The following MYH2 variants were observed in gnomAD, a reference collection of about 807,000 sequenced individuals.
MYH2 encodes myosin-2.
In MYH2, 139 loss-of-function variants were observed where a neutral mutation model predicts 228.1. That is an observed-to-expected ratio of 0.61 (90% CI 0.53 to 0.70). MYH2 has a LOEUF of 0.70. Ranked by LOEUF, MYH2 falls within the 30% of genes least tolerant of loss-of-function variation. The pLI, the probability that MYH2 is intolerant of heterozygous loss-of-function variation, is 0.00. For missense variants in MYH2, 1,809 were observed against 2,357.5 expected, an observed-to-expected ratio of 0.77 and a Z score of 4.82; for synonymous variants, 796 against 871.1, an observed-to-expected ratio of 0.91 and a Z score of 1.52.
rs1250367860 is a variant in MYH2, at chr17:10,525,433, A to T, written c.4537+18T>A. 1 of 1,614,188 alleles carries T rather than the reference A, an allele frequency of 6.2e-7. No homozygotes were observed. Among genetic ancestry groups the T allele is most frequent in the Admixed American group, 1.7e-5 (1 of 60,024 alleles). ...TTCTTCCAAGTTATGAATATTATTGAATATGATAGGGACTTACGCTGTAAG... is the reference window on the plus strand; with the variant it reads ...TTCTTCCAAGTTATGAATATTATTGTATATGATAGGGACTTACGCTGTAAG... On this transcript the variant is annotated intron_variant, in intron 32 of 39. Transcript: ENST00000245503. This position sits in a 1 kb window ranked among gnomAD's most constrained non-coding sequence, Gnocchi z 4.2.
chr17:10,532,579 A>C (rs1026609268), intron 21 of MYH2, among the ~76,000 whole-genome samples: 3 of 152,208 alleles, frequency 2.0e-5, no homozygotes, highest in Non-Finnish European at 4.4e-5. Flanking sequence ...TATTAGCATA[A>C]TTACAAGTGG....
At chr17:10,544,598 ATG>A (rs944204606) in intron 5 of MYH2, among the ~76,000 whole-genome samples, 12 of 152,352 alleles carry the variant, frequency 7.9e-5, no homozygotes, top group Middle Eastern at 3.4e-3. Context: ...GATATTTTTA[ATG>A]TGTGAAAAGG....
In MYH2 at chr17:10,545,320, AC is replaced by A. The variant is rs375322854; in HGVS notation, c.505+25del. ...ATGGTTCTGCTCTAAAGGTTTACGC[AC>A]TTGCAAAGCATTCGGCTCACTCACC... On this transcript the variant is annotated intron_variant, in intron 5 of 39. Transcript: ENST00000245503. 1.2e-3 allele frequency: 1,878 copies of A among 1,612,612 alleles called. 31 individuals carry two copies. The African/African-American group carries it at 0.022, about 19-fold the overall frequency.
rs2142293098 is a variant in MYH2, at chr17:10,525,209, C to T, written c.4662+15G>A. On this transcript the variant is annotated intron_variant, in intron 33 of 39. Transcript: ENST00000245503. The surrounding 1 kb of genome is among the most constrained non-coding windows in gnomAD (Gnocchi z 4.2). ...ATTTTCCAGATTTTTTTATAATGCA[C>T]AATTTTACATGTACCTCTGCTTCTT... is the stretch of plus-strand genomic sequence containing the variant. 6.2e-7 allele frequency: 1 copy of T among 1,614,050 alleles called. No homozygotes were observed. The highest frequency in any genetic ancestry group is 8.5e-7 in the Non-Finnish European group (1 of 1,180,010).
chr17:10,539,055 G>T, intron 14 of MYH2, 150 bp downstream of exon 14: 1 of 1,386,318 alleles, frequency 7.2e-7, no homozygotes. Context: ...AGTGGAATTG[G>T]TACTACAATA....
chr17:10,523,583 G>T lies in MYH2; in HGVS notation c.5385C>A (p.Thr1795=). The T allele has an allele frequency of 6.2e-7, 1 of 1,614,156 alleles. No individual in the cohort carries two copies. Among genetic ancestry groups the T allele is most frequent in the Non-Finnish European group, 8.5e-7 (1 of 1,180,038 alleles). ...LERMKKNMEQ[T]VKDLQLRLDE... is the part of the protein sequence containing the mutation. The stretch of plus-strand genomic sequence containing the variant: ...CCAGACGGAGCTGCAGATCCTTCAC[G>T]GTCTGCTCCATGTTCTTCTTCATCC... The change falls in exon 37 of 40, where the codon ACC becomes ACA. Residue 1795 remains threonine, a synonymous_variant. Transcript: ENST00000245503.
Position 10,528,919 on chromosome 17 carries a change from T to C in MYH2, c.3515A>G (p.Lys1172Arg). 6.2e-7 allele frequency: 1 copy of C among 1,614,212 alleles called. No homozygotes were observed. Among genetic ancestry groups the C allele is most frequent in the African/African-American group, 1.3e-5 (1 of 75,062 alleles). Residue 1172 changes from lysine (K) to arginine (R), a missense_variant, in exon 27 of 40, where the codon AAG (lysine) becomes AGG (arginine). By Grantham distance (26) the Lys-to-Arg change is conservative. This residue lies in a region of MYH2 where 636 missense variants were observed against 729.9 expected (regional missense o/e 0.87). Coordinates refer to ENST00000245503, the MANE Select transcript of MYH2 (RefSeq NM_017534.6). ...ATSAQIEMNK[K>R]REAEFQKMRR... ...CATTTTCTGGAACTCAGCCTCCCGC[T>C]TCTTGTTCATCTCAATCTGGGCTGA... is the stretch of plus-strand genomic sequence containing the variant.
At chr17:10,529,791 T>C (rs769300911) in intron 23 of MYH2, 41 bp downstream of exon 23, 46 of 1,614,004 alleles carry the variant, frequency 2.9e-5, no homozygotes, top group African/African-American at 5.3e-5. Flanking sequence ...CTTTGTTGGG[T>C]GGCAGAACCT....
chr17:10,528,692 T>G lies in MYH2; in HGVS notation c.3742A>C (p.Lys1248Gln). The G allele has an allele frequency of 6.2e-7, 1 of 1,614,044 alleles. No homozygotes were observed. Among genetic ancestry groups the G allele is most frequent in the Non-Finnish European group, 8.5e-7 (1 of 1,179,912 alleles). The change falls in exon 27 of 40, where the codon AAG (lysine) becomes CAG (glutamine). Residue 1248 changes from lysine (K) to glutamine (Q), a missense_variant and splice_region_variant. Physicochemically the swap from Lys to Gln is moderately conservative, Grantham distance 53 (BLOSUM62 1). This residue lies in a region of MYH2 where 636 missense variants were observed against 729.9 expected (regional missense o/e 0.87). Transcript: ENST00000245503. ...ASNVETVSKA[K>Q]GNLEKMCRTL... ...CAATTTCCCAGAATTTGTAGTACCT[T>G]GGCTTTGGAGACCGTTTCTACATTA...
chr17:10,541,336 A>G (rs148791529), intron 10 of MYH2, among the ~76,000 whole-genome samples: 2 of 152,312 alleles, frequency 1.3e-5, no homozygotes, highest in African/African-American at 4.8e-5. Context: ...GGAGGTCTCT[A>G]AAATGGCTGC....
intron 4 of MYH2, among the ~76,000 whole-genome samples, chr17:10,546,256 GATATATATATAT>G (rs71139049): frequency 0.27 from 18,010 of 66,212 alleles, 2,647 homozygotes; most frequent in Middle Eastern, 0.39. Flanking sequence ...GACACGAAAT[GATATATATATAT>G]ATATATATAT....
rs1391982958 is a variant in MYH2 at position 10,529,650 on chromosome 17, G to T, written c.3031C>A (p.Gln1011Lys). 2 of 1,614,088 alleles carry T rather than the reference G, an allele frequency of 1.2e-6. No individual in the cohort carries two copies. The highest frequency in any genetic ancestry group is 2.2e-5 in the South Asian group (2 of 91,076). The stretch of plus-strand genomic sequence containing the variant: ...TCTGCCTGCAGGTCATCCAGGGTCT[G>T]CTGGTGGGCCTCCTGGAGAGCCTTC... Reference protein sequence around the residue: ...EKKALQEAHQQTLDDLQAEED... With the variant: ...EKKALQEAHQKTLDDLQAEED... The change falls in exon 24 of 40, where the codon CAG (glutamine) becomes AAG (lysine). Residue 1011 changes from glutamine (Q) to lysine (K), a missense_variant. This residue lies in a region of MYH2 where 636 missense variants were observed against 729.9 expected (regional missense o/e 0.87). Transcript: ENST00000245503.
Position 10,535,138 on chromosome 17 carries a change from C to T in MYH2, c.2115G>A (p.Leu705=), listed in dbSNP as rs750170437. The T allele has an allele frequency of 1.9e-6, 3 of 1,614,114 alleles. No homozygotes were observed. The highest frequency in any genetic ancestry group is 2.5e-6 in the Non-Finnish European group (3 of 1,180,028). Residue 705 remains leucine, a synonymous_variant, in exon 19 of 40, where the codon CTG becomes CTA. Transcript: ENST00000245503. ...CTTTCCTACAGATGCGGATGCCTTC[C>T]AGCACACCGTTACACCTCAGCTGGT... ...VLHQLRCNGV[L]EGIRICRKGF... is the part of the protein sequence containing the mutation.
rs529574079 is a variant in MYH2 at position 10,538,256 on chromosome 17, G to A, written c.1417-421C>T. 4.0e-5 allele frequency among the ~76,000 whole-genome samples: 6 copies of A among 151,636 alleles called. No homozygotes were observed. The South Asian group carries it at 1.0e-3, about 26-fold the overall frequency. On this transcript the variant is annotated intron_variant, in intron 14 of 39. Coordinates refer to ENST00000245503, the MANE Select transcript of MYH2 (RefSeq NM_017534.6). ...GTCTATCTTGCTTGGCAATCACATG[G>A]TCAGCATGGCAAGTGAACAATAATT...
At position 10,545,030 on chromosome 17, in the gene MYH2, T is replaced by TGTGTGTGTGC. The variant is rs1424604865; in HGVS notation, c.505+315_505+316insGCACACACAC. On this transcript the variant is annotated intron_variant, in intron 5 of 39. Coordinates refer to ENST00000245503, the MANE Select transcript of MYH2 (RefSeq NM_017534.6). ...GCGTGCATGAGTGTGTGTGTGTGTG[T>TGTGTGTGTGC]GTATATATACATACACAGAAATATT... Among the ~76,000 whole-genome samples the TGTGTGTGTGC allele has an allele frequency of 1.8e-4, 28 of 152,018 alleles. 1 individual carries two copies. Among genetic ancestry groups the TGTGTGTGTGC allele is most frequent in the East Asian group, 5.8e-4 (3 of 5,186 alleles).
chr17:10,534,597 C>T (rs2073461398), intron 19 of MYH2, among the ~76,000 whole-genome samples: 1 of 152,232 alleles, frequency 6.6e-6, no homozygotes, highest in African/African-American at 2.4e-5. Context: ...CCACAAGGTG[C>T]TTAAAATTTT....
At position 10,524,045 on chromosome 17, in the gene MYH2, A is replaced by T. The variant is rs2073318306; in HGVS notation, c.5176-161T>A. ...GTTATGTAATATGATTAAATAAAAT[A>T]TAAATGTTATAGAATATTCAGCATC... On this transcript the variant is annotated intron_variant, in intron 35 of 39. Coordinates refer to ENST00000245503, the MANE Select transcript of MYH2 (RefSeq NM_017534.6). The surrounding 1 kb of genome is among the most constrained non-coding windows in gnomAD (Gnocchi z 4.7). Among the ~76,000 whole-genome samples the T allele has an allele frequency of 1.3e-5, 2 of 152,278 alleles. No homozygotes were observed. The highest frequency in any genetic ancestry group is 1.3e-4 in the Admixed American group (2 of 15,286).
chr17:10,521,622 C>T (rs555085686), intron 39 of MYH2, among the ~76,000 whole-genome samples, 190 bp from the exon 40 acceptor site: 5 of 150,894 alleles, frequency 3.3e-5, no homozygotes, highest in Middle Eastern at 3.5e-3. Context: ...TACATACATA[C>T]GTATCTCACA....
rs768563153 is a variant in MYH2, at chr17:10,524,239, C to A, written c.5175+227G>T. Among the ~76,000 whole-genome samples the A allele has an allele frequency of 5.3e-5, 8 of 152,096 alleles. No individual in the cohort carries two copies. Among genetic ancestry groups the A allele is most frequent in the Non-Finnish European group, 8.8e-5 (6 of 68,022 alleles). ...ATGAGGGCCAATAAAGATATTAACA[C>A]AATAGAATACGGGGGCAGCCTTAGA... On this transcript the variant is annotated intron_variant, in intron 35 of 39. Transcript: ENST00000245503. This position sits in a 1 kb window ranked among gnomAD's most constrained non-coding sequence, Gnocchi z 4.7.
Sources: gnomAD v4.1 joint callset for allele counts (sites outside exome capture counted in the v4.1 genomes callset) on GRCh38, gnomAD v4.1.1 for gene constraint, gnomAD v4.1.1 regional missense constraint, Gnocchi (gnomAD v3.1) non-coding constraint, MANE v1.5 for transcripts, NCBI Gene and HGNC (gene_info 2026-07-23, HGNC 2026-07-21) for gene names.